Variants in PACSIN1 observed in about 807,000 individuals in gnomAD.
PACSIN1 encodes protein kinase C and casein kinase substrate in neurons 1, also known as protein kinase C and casein kinase substrate in neurons protein 1.
In PACSIN1, 15 loss-of-function variants were observed where a neutral mutation model predicts 59.5. The observed-to-expected ratio is 0.25, with a 90% CI of 0.17 to 0.39. The LOEUF is 0.39. PACSIN1 is among the 10% of genes least tolerant of loss of function. The pLI is 1.00. For missense variants in PACSIN1, 420 were observed against 580.2 expected (o/e 0.72, Z 2.84); for synonymous variants, 210 against 220.6 (o/e 0.95, Z 0.42).
In PACSIN1 at chr6:34,501,109, G is replaced by A. The variant is rs991014852; in HGVS notation, c.-63-25134G>A. On this transcript the variant is annotated intron_variant, in intron 1 of 9. Transcript: ENST00000244458. ...AGGCTGTTTTGTTTTCTTATCATTT[G>A]TGTGTTCACTGGAGGAACACTTCTA... Among the ~76,000 whole-genome samples, 3 of 152,136 alleles carry A rather than the reference G, an allele frequency of 2.0e-5. No homozygotes were observed. The South Asian group carries it at 6.2e-4, about 32-fold the overall frequency.
At chr6:34,484,432 A>C (rs533611981) in intron 1 of PACSIN1, among the ~76,000 whole-genome samples, 1 of 152,246 alleles carries the variant, frequency 6.6e-6, no homozygotes, top group Non-Finnish European at 1.5e-5. Context: ...ATCAGTAGTT[A>C]TCAGAGATTG....
chr6:34,480,293 C>G (rs1430447615), intron 1 of PACSIN1, among the ~76,000 whole-genome samples: 2 of 148,662 alleles, frequency 1.3e-5, no homozygotes, highest in Non-Finnish European at 3.0e-5. Flanking sequence ...AGTACCATCA[C>G]GGCTCAGTGT....
chr6:34,524,082 G>C (rs1436500612), intron 1 of PACSIN1, among the ~76,000 whole-genome samples: 2 of 152,174 alleles, frequency 1.3e-5, no homozygotes, highest in Non-Finnish European at 2.9e-5. Context: ...CACTACACAT[G>C]CTCCCTCATC....
rs1207284731 is a variant in PACSIN1, at chr6:34,527,314, TC to T, written c.64-17del. ...CGCTGGGAACCCGCGGGAGTGGTGC[TC>T]GCTGCTTGGCCGCCAGGTGGGGAAC... On this transcript the variant is annotated splice_polypyrimidine_tract_variant and intron_variant, in intron 2 of 9. Transcript: ENST00000244458. The T allele has an allele frequency of 1.3e-6, 2 of 1,533,504 alleles. No individual in the cohort carries two copies. Among genetic ancestry groups the T allele is most frequent in the Non-Finnish European group, 1.8e-6 (2 of 1,138,350 alleles). The allele number at this position is 1,533,504 out of a possible 1,614,324, so 95.0% of individuals were successfully genotyped here.
At chr6:34,490,874 C>T (rs1210610921) in intron 1 of PACSIN1, among the ~76,000 whole-genome samples, 1 of 152,156 alleles carries the variant, frequency 6.6e-6, no homozygotes, top group Non-Finnish European at 1.5e-5. Context: ...CTCCAAGCAG[C>T]ATGTTAAGGC....
intron 1 of PACSIN1, among the ~76,000 whole-genome samples, chr6:34,511,121 G>A (rs79215333): frequency 4.6e-5 from 7 of 152,278 alleles, no homozygotes; most frequent in East Asian, 1.9e-4. Flanking sequence ...TTTATCTACC[G>A]TGTTCCACCC....
At chr6:34,478,539 A>T (rs748292662) in intron 1 of PACSIN1, among the ~76,000 whole-genome samples, 1 of 144,424 alleles carries the variant, frequency 6.9e-6, no homozygotes, top group African/African-American at 2.6e-5. Context: ...CACCTGGCTA[A>T]TTTTTGTATT....
rs1767553416 is a variant in PACSIN1 at position 34,529,604 on chromosome 6, G to T, written c.612+52G>T. On this transcript the variant is annotated intron_variant, in intron 5 of 9. Coordinates refer to ENST00000244458, the MANE Select transcript of PACSIN1 (RefSeq NM_020804.5). This position sits in a 1 kb window ranked among gnomAD's most constrained non-coding sequence, Gnocchi z 6.3. ...GGGGTCTGGGGGCCCCTTGCAGAGGGTGGTGGCTGGGAGCTGCAGGCCTGG... is the reference window on the plus strand; with the variant it reads ...GGGGTCTGGGGGCCCCTTGCAGAGGTTGGTGGCTGGGAGCTGCAGGCCTGG... 2 of 1,612,466 alleles carry T rather than the reference G, an allele frequency of 1.2e-6. No homozygotes were observed. Among genetic ancestry groups the T allele is most frequent in the African/African-American group, 1.3e-5 (1 of 74,888 alleles).
chr6:34,520,122 G>C (rs1486618222), intron 1 of PACSIN1, among the ~76,000 whole-genome samples: 4 of 152,062 alleles, frequency 2.6e-5, no homozygotes, highest in African/African-American at 9.7e-5. Flanking sequence ...CCCTAGCCTG[G>C]GTTGTGGGGA....
chr6:34,504,125 T>C (rs1767067858), intron 1 of PACSIN1, among the ~76,000 whole-genome samples: 1 of 152,148 alleles, frequency 6.6e-6, no homozygotes, highest in Admixed American at 6.6e-5. Context: ...TGTCAGTGTT[T>C]TACCAGTTCA....
chr6:34,491,737 G>A (rs778243684), intron 1 of PACSIN1, among the ~76,000 whole-genome samples: 9 of 151,548 alleles, frequency 5.9e-5, no homozygotes, highest in African/African-American at 7.3e-5. Context: ...TCAGCTTCCC[G>A]AATAGCTGGG....
Position 34,530,274 on chromosome 6 carries a change from G to C in PACSIN1, c.820G>C (p.Ala274Pro). 1 of 1,614,060 alleles carries C rather than the reference G, an allele frequency of 6.2e-7. No homozygotes were observed. The highest frequency in any genetic ancestry group is 8.5e-7 in the Non-Finnish European group (1 of 1,179,976). Reference sequence around the variant, plus strand: ...CCATGTGTACCGTGAGCTGGAGCAGGCCATCCGGGGGGCTGATGCCCAGGA... The same window carrying C: ...CCATGTGTACCGTGAGCTGGAGCAGCCCATCCGGGGGGCTGATGCCCAGGA... ...YIHVYRELEQ[A>P]IRGADAQEDL... The change falls in exon 7 of 10, where the codon GCC becomes CCC. Residue 274 changes from alanine to proline, a missense_variant. Transcript: ENST00000244458. This position sits in a 1 kb window ranked among gnomAD's most constrained non-coding sequence, Gnocchi z 4.4.
At position 34,515,307 on chromosome 6, in the gene PACSIN1, C is replaced by T. The variant is rs982657091; in HGVS notation, c.-63-10936C>T. On this transcript the variant is annotated intron_variant, in intron 1 of 9. Coordinates refer to ENST00000244458, the MANE Select transcript of PACSIN1 (RefSeq NM_020804.5). The surrounding 1 kb of genome is among the most constrained non-coding windows in gnomAD (Gnocchi z 4.4). ...TCCCTGTTGCCTTTCCTCCTCTGTA[C>T]CTCTTGTCTCCACCACTGCCACAGG... Among the ~76,000 whole-genome samples the T allele has an allele frequency of 2.6e-5, 4 of 152,192 alleles. No individual in the cohort carries two copies. Among genetic ancestry groups the T allele is most frequent in the African/African-American group, 7.2e-5 (3 of 41,458 alleles).
chr6:34,522,992 G>A (rs973463926), intron 1 of PACSIN1, among the ~76,000 whole-genome samples: 6 of 152,156 alleles, frequency 3.9e-5, no homozygotes, highest in African/African-American at 7.2e-5. Context: ...TTGCAAAGCC[G>A]GCCTCTTCCC....
chr6:34,477,852 T>A (rs7743448), intron 1 of PACSIN1, among the ~76,000 whole-genome samples: 4 of 151,134 alleles, frequency 2.6e-5, no homozygotes, highest in Admixed American at 6.6e-5. Context: ...GGGCTTGAGC[T>A]ATCCTCACAA....
chr6:34,492,313 A>G (rs1766889711), intron 1 of PACSIN1, among the ~76,000 whole-genome samples: 1 of 147,442 alleles, frequency 6.8e-6, no homozygotes, highest in African/African-American at 2.5e-5. Flanking sequence ...GGTTCAGGCA[A>G]TTCTCCTGCC....
Position 34,530,672 on chromosome 6 carries a change from G to A in PACSIN1, c.1037+85G>A. On this transcript the variant is annotated intron_variant, in intron 8 of 9. Transcript: ENST00000244458. The surrounding 1 kb of genome is among the most constrained non-coding windows in gnomAD (Gnocchi z 4.4). ...AGTTTTGCTTCAGAAGACAAGAAAT[G>A]GTCTAGATCATAGCAACTATGTCTC... The A allele has an allele frequency of 7.4e-7, 1 of 1,346,188 alleles. No individual in the cohort carries two copies. Among genetic ancestry groups the A allele is most frequent in the Non-Finnish European group, 9.8e-7 (1 of 1,018,888 alleles). The allele number at this position is 1,346,188 out of a possible 1,614,324, so 83.4% of individuals were successfully genotyped here. A position where few individuals can be genotyped will look rare whatever the true frequency, so the allele number is the denominator to read the frequency against.
intron 1 of PACSIN1, among the ~76,000 whole-genome samples, chr6:34,486,064 T>C (rs1413121516): frequency 6.6e-6 from 1 of 151,806 alleles, no homozygotes; most frequent in Non-Finnish European, 1.5e-5. Flanking sequence ...TCTCTCTGGG[T>C]GGGAAAGATT....
chr6:34,505,631 C>CTT (rs35588714), intron 1 of PACSIN1, among the ~76,000 whole-genome samples: 2,317 of 106,372 alleles, frequency 0.022, 191 homozygotes, highest in East Asian at 0.093. Flanking sequence ...TACCTCCATA[C>CTT]TTTTTTTTTT....
Sources: gnomAD v4.1 joint callset for allele counts (sites outside exome capture counted in the v4.1 genomes callset) on GRCh38, gnomAD v4.1.1 for gene constraint, Gnocchi (gnomAD v3.1) non-coding constraint, MANE v1.5 for transcripts, NCBI Gene and HGNC (gene_info 2026-07-23, HGNC 2026-07-21) for gene names.